Variants in HEXB observed in about 807,000 individuals in gnomAD.
The protein encoded by HEXB is hexosaminidase subunit beta, also known as beta-hexosaminidase subunit beta.
HEXB carries 51 observed loss-of-function variants against 71.2 expected under a neutral mutation model. That is an observed-to-expected ratio of 0.72 (90% confidence interval 0.57 to 0.90). HEXB has a LOEUF of 0.90. HEXB is among the 40% of genes least tolerant of loss of function. HEXB has a pLI of 0.00. For synonymous variants in HEXB, 266 were observed against 249.3 expected (o/e 1.07, Z -0.63); for missense variants, 617 against 677.0 (o/e 0.91, Z 0.98).
At position 74,705,319 on chromosome 5, in the gene HEXB, A is replaced by C. The variant is rs749061539; in HGVS notation, c.770A>C (p.Lys257Thr). The C allele has an allele frequency of 2.1e-5, 32 of 1,506,370 alleles. No individual in the cohort carries two copies. The highest frequency in any genetic ancestry group is 2.9e-5 in the Non-Finnish European group (31 of 1,081,960). 93.3% of individuals were successfully genotyped at this position (1,506,370 alleles called of 1,614,324 possible). ...QSITFPELSN[K>T]GSYSLSHVYT... The stretch of plus-strand genomic sequence containing the variant: ...ATCACTTTTCCTGAGTTAAGCAATA[A>C]AGTGAGTAAATTGTATTGTACTCTG... The change falls in exon 6 of 14, where the codon AAA (lysine) becomes ACA (threonine). Residue 257 changes from lysine (K) to threonine (T), a missense_variant and splice_region_variant. Coordinates refer to ENST00000261416, the MANE Select transcript of HEXB (RefSeq NM_000521.4).
At chr5:74,681,774 T>G (rs891472642), upstream of HEXB, among the ~76,000 whole-genome samples, 22 of 152,312 alleles carry the variant, frequency 1.4e-4, no homozygotes, top group Admixed American at 5.2e-4. Context: ...CACCGATAAT[T>G]TATCTCTTCC....
At chr5:74,697,677 G>A (rs528354785) in intron 5 of HEXB, among the ~76,000 whole-genome samples, 62 of 142,192 alleles carry the variant, frequency 4.4e-4, no homozygotes, top group Non-Finnish European at 8.2e-4. Context: ...GCAGTGAGCC[G>A]AGATCGCACC....
chr5:74,678,735 G>A (rs573313553), intron 1 of HEXB, among the ~76,000 whole-genome samples: 25 of 152,114 alleles, frequency 1.6e-4, no homozygotes, highest in African/African-American at 2.2e-4. Flanking sequence ...AAAAGCTACC[G>A]TAAAACAACA....
At position 74,715,767 on chromosome 5, in the gene HEXB, A is replaced by G. The variant is rs576107314; in HGVS notation, c.1082+77A>G. On this transcript the variant is annotated intron_variant, in intron 8 of 13. Coordinates refer to ENST00000261416, the MANE Select transcript of HEXB (RefSeq NM_000521.4). ...TGCGGTGGCTCACGCCTATAATCCC[A>G]GCACTTTGGGAGGCAGAGGCAGGCA... is the stretch of plus-strand genomic sequence containing the variant. 3.8e-6 allele frequency: 4 copies of G among 1,059,830 alleles called. No homozygotes were observed. The South Asian group carries it at 5.2e-5, about 14-fold the overall frequency. 65.7% of individuals were successfully genotyped at this position (1,059,830 alleles called of 1,614,324 possible). A position where few individuals can be genotyped will look rare whatever the true frequency, so the allele number is the denominator to read the frequency against.
chr5:74,720,910 G>T, intron 13 of HEXB, 163 bp downstream of exon 13: 1 of 781,360 alleles, frequency 1.3e-6, no homozygotes, highest in South Asian at 1.6e-5. Context: ...ATTCAGACTT[G>T]TGACTGTTTT....
At chr5:74,685,128 T>A, upstream of HEXB, 2 of 939,910 alleles carry the variant, frequency 2.1e-6, no homozygotes, top group Non-Finnish European at 2.9e-6. Flanking sequence ...GGAGGCGGAG[T>A]CGGGGGCGGG....
intron 5 of HEXB, among the ~76,000 whole-genome samples, chr5:74,699,422 C>A (rs769969600): frequency 7.2e-5 from 11 of 151,860 alleles, no homozygotes; most frequent in Non-Finnish European, 1.0e-4. Context: ...TTACAGGTGC[C>A]CACCACCACA....
intron 9 of HEXB, among the ~76,000 whole-genome samples, chr5:74,717,041 T>C (rs1749687884): frequency 6.6e-6 from 1 of 151,982 alleles, no homozygotes; most frequent in Admixed American, 6.6e-5. Context: ...AATGAAAAAA[T>C]TAGCCAGGCA....
chr5:74,705,938 C>T (rs1749376661), intron 6 of HEXB: 1 of 153,042 alleles, frequency 6.5e-6, no homozygotes, highest in Non-Finnish European at 1.5e-5. Flanking sequence ...TAAATTCTGT[C>T]CTCCGGCCAT....
At chr5:74,709,969 G>T (rs961529024) in intron 6 of HEXB, among the ~76,000 whole-genome samples, 1 of 151,048 alleles carries the variant, frequency 6.6e-6, no homozygotes, top group African/African-American at 2.5e-5. Flanking sequence ...CCAAAGCCGG[G>T]CAGAGACACA....
At position 74,685,566 on chromosome 5, in the gene HEXB, G is replaced by A; in HGVS notation, c.299+7G>A. 1.3e-6 allele frequency: 2 copies of A among 1,541,894 alleles called. No homozygotes were observed. The highest frequency in any genetic ancestry group is 2.4e-5 in the South Asian group (2 of 82,342). The stretch of plus-strand genomic sequence containing the variant: ...TGGAGGAAGCGTTTCGACGGTGAGC[G>A]CTCCCGGCCCGGCCGGGAGTTGTCC... On this transcript the variant is annotated splice_region_variant and intron_variant, in intron 1 of 13. Transcript: ENST00000261416.
intron 1 of HEXB, among the ~76,000 whole-genome samples, chr5:74,672,672 C>T (rs1006114780): frequency 6.6e-6 from 1 of 152,246 alleles, no homozygotes; most frequent in African/African-American, 2.4e-5. Context: ...AAACCCTGCA[C>T]TGGGTAGCTA....
chr5:74,697,506 ACC>A (rs1749139053), intron 5 of HEXB, among the ~76,000 whole-genome samples: 8 of 152,134 alleles, frequency 5.3e-5, no homozygotes, highest in South Asian at 2.1e-4. Flanking sequence ...CAGGTGGATC[ACC>A]TGAGGTCAGG....
rs1217969491 is a variant in HEXB at position 74,718,870 on chromosome 5, C to T, written c.1316C>T (p.Ser439Phe). ...GAGGAACTCAGTAGAGTCACAGCAT[C>T]TGGCTTCCCTGTAATCCTTTCTGCT... ...YPEELSRVTA[S>F]GFPVILSAPW... The change falls in exon 11 of 14, where the codon TCT (serine) becomes TTT (phenylalanine). Residue 439 changes from serine (S) to phenylalanine (F), a missense_variant. By Grantham distance (155) the Ser-to-Phe change is radical. Transcript: ENST00000261416. 5 of 1,613,930 alleles carry T rather than the reference C, an allele frequency of 3.1e-6. No individual in the cohort carries two copies. In the African/African-American group the frequency reaches 5.3e-5, roughly 17 times the overall value.
chr5:74,702,109 C>T (rs848903), intron 5 of HEXB, among the ~76,000 whole-genome samples: 98,044 of 113,744 alleles, frequency 0.86, 42,351 homozygotes, highest in Non-Finnish European at 0.9. Context: ...GACGGAGTCT[C>T]GCTCTGTCGC....
intron 1 of HEXB, among the ~76,000 whole-genome samples, chr5:74,667,349 G>A: frequency 6.6e-6 from 1 of 152,026 alleles, no homozygotes; most frequent in South Asian, 2.1e-4. Context: ...AACCCGGGAG[G>A]CAGAGGTTGT....
chr5:74,672,640 C>T (rs1272729197), intron 1 of HEXB, among the ~76,000 whole-genome samples: 1 of 152,248 alleles, frequency 6.6e-6, no homozygotes, highest in Non-Finnish European at 1.5e-5. Flanking sequence ...GACATGCCAA[C>T]TGACAGCAAT....
In HEXB at chr5:74,710,004, A is replaced by G. The variant is rs2112164887; in HGVS notation, c.772-3502A>G. Among the ~76,000 whole-genome samples the G allele has an allele frequency of 3.3e-5, 5 of 152,040 alleles. 1 individual carries two copies. The Middle Eastern group carries it at 0.017, about 517-fold the overall frequency. ...AACCAAAAAAGAGAATTTTAGACCA[A>G]TATCCATGATGAACATTGATGCAAA... On this transcript the variant is annotated intron_variant, in intron 6 of 13. Transcript: ENST00000261416.
At chr5:74,679,171 C>T (rs767222548) in intron 1 of HEXB, among the ~76,000 whole-genome samples, 1 of 152,162 alleles carries the variant, frequency 6.6e-6, no homozygotes, top group Non-Finnish European at 1.5e-5. Context: ...CCATAACGAA[C>T]ACCTTAAATA....
Sources: allele counts gnomAD v4.1 joint callset (sites outside exome capture counted in the v4.1 genomes callset), GRCh38; gene constraint gnomAD v4.1.1; transcripts MANE v1.5; gene names NCBI Gene and HGNC (gene_info 2026-07-23, HGNC 2026-07-21).